Variants in ROBO1 observed in about 807,000 individuals in gnomAD.
The protein encoded by ROBO1 is roundabout homolog 1.
A neutral mutation model predicts 195.9 loss-of-function variants in ROBO1; 149 were observed. The ratio of observed to expected loss-of-function variants is 0.76; its 90% CI spans 0.67 to 0.87. The LOEUF (loss-of-function observed/expected upper bound fraction) is 0.87. Among genes scored for constraint, ROBO1 ranks in the 40% least tolerant of loss-of-function variants. ROBO1 has a pLI of 0.00. For synonymous variants in ROBO1, 816 were observed against 733.2 expected, an observed-to-expected ratio of 1.11 and a Z score of -1.82; for missense variants, 1,933 against 2,068.3, an observed-to-expected ratio of 0.93 and a Z score of 1.27.
chr3:79,586,674 T>A (rs978363530), intron 2 of ROBO1, among the ~76,000 whole-genome samples: 1 of 151,900 alleles, frequency 6.6e-6, no homozygotes, highest in Non-Finnish European at 1.5e-5. Context: ...AGAGGTTTTT[T>A]AATTTTTTAA....
chr3:79,070,169 G>A (rs908208817), intron 3 of ROBO1, among the ~76,000 whole-genome samples: 3 of 151,706 alleles, frequency 2.0e-5, no homozygotes, highest in South Asian at 2.1e-4. Context: ...GTCTTAACTC[G>A]ATCATCACTC....
intron 2 of ROBO1, among the ~76,000 whole-genome samples, chr3:79,513,367 T>C (rs950361965): frequency 1.3e-5 from 2 of 152,074 alleles, no homozygotes; most frequent in Admixed American, 1.3e-4. Flanking sequence ...AAAAATAATA[T>C]GCTCAACCAT....
At chr3:78,878,583 C>CAAAAAAAAA in intron 4 of ROBO1, among the ~76,000 whole-genome samples, 1 of 46,348 alleles carries the variant, frequency 2.2e-5, no homozygotes, top group Non-Finnish European at 4.2e-5. Flanking sequence ...AACCCCATCT[C>CAAAAAAAAA]AAAAAAAAAA....
chr3:79,185,033 G>A (rs991868930), intron 2 of ROBO1, among the ~76,000 whole-genome samples: 6 of 152,064 alleles, frequency 3.9e-5, no homozygotes, highest in African/African-American at 1.2e-4. Context: ...CAAAAAGCTC[G>A]GTTTCTTTCT....
At chr3:78,719,315 G>C (rs2684376) in intron 5 of ROBO1, among the ~76,000 whole-genome samples, 1 of 152,128 alleles carries the variant, frequency 6.6e-6, no homozygotes. Context: ...TATAAGGTTT[G>C]TAACAGTTAT....
intron 1 of ROBO1, among the ~76,000 whole-genome samples, chr3:79,632,085 A>G (rs1395050552): frequency 6.6e-6 from 1 of 152,140 alleles, no homozygotes; most frequent in Non-Finnish European, 1.5e-5. Context: ...TTCTCAAAGA[A>G]CTGAAAATAA....
chr3:79,033,233 G>T (rs2078326748), intron 3 of ROBO1, among the ~76,000 whole-genome samples: 1 of 151,980 alleles, frequency 6.6e-6, no homozygotes, highest in African/African-American at 2.4e-5. Flanking sequence ...GATATGTATG[G>T]TCCAATTGTT....
At chr3:78,754,370 A>C (rs2082873806) in intron 4 of ROBO1, among the ~76,000 whole-genome samples, 2 of 152,178 alleles carry the variant, frequency 1.3e-5, no homozygotes, top group African/African-American at 4.8e-5. Flanking sequence ...AAATGAGGAT[A>C]TCTGAGCTAC....
At chr3:79,276,490 AAATC>A (rs2031045569) in intron 2 of ROBO1, among the ~76,000 whole-genome samples, 1 of 152,064 alleles carries the variant, frequency 6.6e-6, no homozygotes, top group Non-Finnish European at 1.5e-5. Flanking sequence ...TTAAAGACTT[AAATC>A]TAAGACCTCA....
intron 3 of ROBO1, among the ~76,000 whole-genome samples, chr3:79,073,353 G>A (rs1559639635): frequency 6.6e-6 from 1 of 151,880 alleles, no homozygotes; most frequent in Non-Finnish European, 1.5e-5. Context: ...TATTTGTAGA[G>A]GATGAGTGAC....
chr3:79,301,191 C>A (rs2032933309), intron 2 of ROBO1, among the ~76,000 whole-genome samples: 1 of 152,184 alleles, frequency 6.6e-6, no homozygotes, highest in Non-Finnish European at 1.5e-5. Flanking sequence ...ACTCCTGAGC[C>A]AGCGAGACCA....
intron 4 of ROBO1, among the ~76,000 whole-genome samples, chr3:78,934,395 T>C (rs968599247): frequency 1.3e-5 from 2 of 151,922 alleles, no homozygotes; most frequent in Non-Finnish European, 2.9e-5. Flanking sequence ...AAAAATAAGA[T>C]ATATAAAAAT....
At chr3:79,278,940 T>C (rs1302187443) in intron 2 of ROBO1, among the ~76,000 whole-genome samples, 1 of 151,966 alleles carries the variant, frequency 6.6e-6, no homozygotes, top group Non-Finnish European at 1.5e-5. Context: ...AATGACTCAT[T>C]TAAGGGGTTT....
chr3:78,888,905 C>G (rs757298869), intron 4 of ROBO1, among the ~76,000 whole-genome samples: 19 of 152,094 alleles, frequency 1.2e-4, no homozygotes, highest in Non-Finnish European at 7.4e-5. Context: ...TAACTGTTCA[C>G]CTTTGGTTGG....
rs529511030 is a variant in ROBO1 at position 78,984,578 on chromosome 3, C to T, written c.173-45651G>A. Among the ~76,000 whole-genome samples, 8 of 152,264 alleles carry T rather than the reference C, an allele frequency of 5.3e-5. No homozygotes were observed. The East Asian group carries it at 1.5e-3, about 29-fold the overall frequency. ...TCCATGCTTTCAGTGTATTTCTCTG[C>T]TCTTTTAGCTCTCAGAGCGGTATGA... On this transcript the variant is annotated intron_variant, in intron 3 of 30. Coordinates refer to ENST00000464233, the MANE Select transcript of ROBO1 (RefSeq NM_002941.4).
rs560423824 is a variant in ROBO1, at chr3:79,487,140, T to C, written c.88+102684A>G. Among the ~76,000 whole-genome samples, 14 of 152,344 alleles carry C rather than the reference T, an allele frequency of 9.2e-5. 1 individual carries two copies. In the South Asian group the frequency reaches 2.9e-3, roughly 32 times the overall value. On this transcript the variant is annotated intron_variant, in intron 2 of 30. Coordinates refer to ENST00000464233, the MANE Select transcript of ROBO1 (RefSeq NM_002941.4). ...CAGGAACCTCCTGGAGAATTACTAA[T>C]TCCCTGGATATTGCCTATGTAATAT... is the stretch of plus-strand genomic sequence containing the variant.
chr3:79,692,965 T>C (rs559150018), intron 1 of ROBO1, among the ~76,000 whole-genome samples: 1 of 151,962 alleles, frequency 6.6e-6, no homozygotes, highest in African/African-American at 2.4e-5. Context: ...TTTTAAATAA[T>C]TTTGTGCATA....
At chr3:78,780,735 C>T (rs1245469418) in intron 4 of ROBO1, among the ~76,000 whole-genome samples, 2 of 152,104 alleles carry the variant, frequency 1.3e-5, no homozygotes, top group Non-Finnish European at 2.9e-5. Context: ...TTCTTCTTGG[C>T]AACTCTAGTC....
chr3:79,757,341 G>T (rs1326283705), intron 1 of ROBO1, among the ~76,000 whole-genome samples: 1 of 152,098 alleles, frequency 6.6e-6, no homozygotes, highest in South Asian at 2.1e-4. Flanking sequence ...CATTTAGTGA[G>T]ATGACTCTCC....
Sources: allele counts gnomAD v4.1 joint callset (sites outside exome capture counted in the v4.1 genomes callset), GRCh38; gene constraint gnomAD v4.1.1; transcripts MANE v1.5; gene names NCBI Gene and HGNC (gene_info 2026-07-23, HGNC 2026-07-21).